The following KCND2 variants were observed in gnomAD, a reference collection of about 807,000 sequenced individuals.
KCND2 encodes the protein A-type voltage-gated potassium channel KCND2.
Under a neutral mutation model 54.4 loss-of-function variants are expected in KCND2, and 16 were observed. That is an observed-to-expected ratio of 0.29 (90% CI 0.20 to 0.45). The LOEUF is 0.45. KCND2 is among the 20% of genes least tolerant of loss of function. The pLI is 1.00. For synonymous variants in KCND2, 317 were observed against 310.7 expected (o/e 1.02, Z -0.21); for missense variants, 486 against 824.2 (o/e 0.59, Z 5.02).
At chr7:120,494,624 AAT>A (rs1335440722) in intron 1 of KCND2, among the ~76,000 whole-genome samples, 2 of 152,128 alleles carry the variant, frequency 1.3e-5, no homozygotes, top group Non-Finnish European at 2.9e-5. Context: ...AAAATATTCA[AAT>A]TCTCTATTAA....
Position 120,682,561 on chromosome 7 carries a change from A to T in KCND2, c.1116-50342A>T, listed in dbSNP as rs1159764261. 2.0e-5 allele frequency among the ~76,000 whole-genome samples: 3 copies of T among 152,108 alleles called. No individual in the cohort carries two copies. The East Asian group carries it at 5.8e-4, about 29-fold the overall frequency. On this transcript the variant is annotated intron_variant, in intron 1 of 5. Transcript: ENST00000331113. ...CCAGTGTTCTCCAAGAATAGTATAT[A>T]AACTGGTCCTACTAATCAGCCATTT...
chr7:120,596,947 A>G (rs961435408), intron 1 of KCND2, among the ~76,000 whole-genome samples: 1 of 152,244 alleles, frequency 6.6e-6, no homozygotes, highest in Admixed American at 6.5e-5. Context: ...TATCGATTTC[A>G]CAGGAAACTC....
rs184100203 is a variant in KCND2 at position 120,363,103 on chromosome 7, C to G, written c.1115+87356C>G. On this transcript the variant is annotated intron_variant, in intron 1 of 5. Coordinates refer to ENST00000331113, the MANE Select transcript of KCND2 (RefSeq NM_012281.3). Reference sequence around the variant, plus strand: ...ATCACTTGAGCTCAGGAGTTTAAGACTAGCCTGGGAAACACTGTGAGACCT... The same window carrying G: ...ATCACTTGAGCTCAGGAGTTTAAGAGTAGCCTGGGAAACACTGTGAGACCT... Among the ~76,000 whole-genome samples the G allele has an allele frequency of 5.5e-3, 844 of 152,132 alleles. 2 individuals carry two copies. Among genetic ancestry groups the G allele is most frequent in the Admixed American group, 0.01 (156 of 15,258 alleles).
chr7:120,495,979 T>A (rs1206937638), intron 1 of KCND2, among the ~76,000 whole-genome samples: 1 of 151,922 alleles, frequency 6.6e-6, no homozygotes, highest in Non-Finnish European at 1.5e-5. Flanking sequence ...ACATGAGAAA[T>A]GGGCAAAAAT....
At chr7:120,562,877 C>T (rs1415527665) in intron 1 of KCND2, among the ~76,000 whole-genome samples, 1 of 151,752 alleles carries the variant, frequency 6.6e-6, no homozygotes, top group Admixed American at 6.6e-5. Flanking sequence ...AGATAATATG[C>T]CAAATTACTA....
intron 1 of KCND2, among the ~76,000 whole-genome samples, chr7:120,433,290 G>A (rs775597718): frequency 6.6e-6 from 1 of 152,140 alleles, no homozygotes; most frequent in Non-Finnish European, 1.5e-5. Flanking sequence ...ATAAAAGATG[G>A]AACAGTGCTG....
rs566809887 is a variant in KCND2 at position 120,632,372 on chromosome 7, C to T, written c.1116-100531C>T. 4.7e-4 allele frequency among the ~76,000 whole-genome samples: 71 copies of T among 152,128 alleles called. 1 individual carries two copies. The South Asian group carries it at 0.013, about 27-fold the overall frequency. On this transcript the variant is annotated intron_variant, in intron 1 of 5. Transcript: ENST00000331113. Reference sequence around the variant, plus strand: ...ATCTGAGAAATTGAAAGTAGTTTAACGAAATGAATTTTCAAAGCCAGAGAC... The same window carrying T: ...ATCTGAGAAATTGAAAGTAGTTTAATGAAATGAATTTTCAAAGCCAGAGAC...
intron 1 of KCND2, among the ~76,000 whole-genome samples, chr7:120,468,814 T>G (rs1053431504): frequency 6.6e-6 from 1 of 152,138 alleles, no homozygotes; most frequent in African/African-American, 2.4e-5. Context: ...CAGATTGATT[T>G]CCTGGAAACC....
chr7:120,337,623 T>C (rs1330174500), intron 1 of KCND2, among the ~76,000 whole-genome samples: 1 of 152,196 alleles, frequency 6.6e-6, no homozygotes, highest in Non-Finnish European at 1.5e-5. Context: ...TTTAACTTTC[T>C]AGATCAAGAA....
At chr7:120,402,096 G>A (rs1032856612) in intron 1 of KCND2, among the ~76,000 whole-genome samples, 1 of 152,162 alleles carries the variant, frequency 6.6e-6, no homozygotes, top group Non-Finnish European at 1.5e-5. Flanking sequence ...AGTTCAGAAT[G>A]AAGCAGAATG....
At chr7:120,421,263 A>G (rs1801617879) in intron 1 of KCND2, among the ~76,000 whole-genome samples, 1 of 152,188 alleles carries the variant, frequency 6.6e-6, no homozygotes, top group Non-Finnish European at 1.5e-5. Context: ...TGTTACCACT[A>G]ATGTCATGGC....
chr7:120,511,545 A>C (rs1020762619), intron 1 of KCND2, among the ~76,000 whole-genome samples: 3 of 152,096 alleles, frequency 2.0e-5, no homozygotes, highest in Non-Finnish European at 4.4e-5. Flanking sequence ...AATTGTTTTT[A>C]TTCTTTGGTG....
chr7:120,456,586 C>T (rs1050985431), intron 1 of KCND2, among the ~76,000 whole-genome samples: 1 of 152,160 alleles, frequency 6.6e-6, no homozygotes, highest in Non-Finnish European at 1.5e-5. Flanking sequence ...GATTATTATA[C>T]TAGCTACAAA....
intron 1 of KCND2, among the ~76,000 whole-genome samples, chr7:120,478,622 A>G (rs748101253): frequency 1.1e-4 from 16 of 152,130 alleles, no homozygotes; most frequent in Non-Finnish European, 1.9e-4. Context: ...AACCTCTAAC[A>G]GGTGGAGATT....
rs541955942 is a variant in KCND2, at chr7:120,706,439, C to T, written c.1116-26464C>T. On this transcript the variant is annotated intron_variant, in intron 1 of 5. Transcript: ENST00000331113. ...ATTTGTCTGGTGAAGGCTGCATCCT[C>T]TGAAGGGCAGCAATTCTGTGTCTTC... 3.9e-5 allele frequency among the ~76,000 whole-genome samples: 6 copies of T among 152,286 alleles called. No homozygotes were observed. The East Asian group carries it at 9.6e-4, about 24-fold the overall frequency.
chr7:120,661,488 A>C (rs2116560192), intron 1 of KCND2, among the ~76,000 whole-genome samples: 1 of 152,158 alleles, frequency 6.6e-6, no homozygotes. Context: ...ATCTCTACTA[A>C]AAATACAAAA....
At chr7:120,571,990 A>G (rs1792371598) in intron 1 of KCND2, among the ~76,000 whole-genome samples, 1 of 152,222 alleles carries the variant, frequency 6.6e-6, no homozygotes, top group Admixed American at 6.5e-5. Context: ...CTAGCTTGCT[A>G]ACTGGGATTT....
At chr7:120,468,593 T>A (rs1802411800) in intron 1 of KCND2, among the ~76,000 whole-genome samples, 1 of 152,152 alleles carries the variant, frequency 6.6e-6, no homozygotes, top group South Asian at 2.1e-4. Flanking sequence ...TTATTTTCTG[T>A]AGGCTATTTT....
chr7:120,672,902 G>A (rs1792010424), intron 1 of KCND2: 1 of 151,972 alleles, frequency 6.6e-6, no homozygotes, highest in Admixed American at 6.5e-5. Flanking sequence ...AATAATATAG[G>A]AAGGATACAT....
Sources: allele counts gnomAD v4.1 joint callset (sites outside exome capture counted in the v4.1 genomes callset), GRCh38; gene constraint gnomAD v4.1.1; transcripts MANE v1.5; gene names NCBI Gene and HGNC (gene_info 2026-07-23, HGNC 2026-07-21).